CKMT2: variants seen among roughly 807,000 people sequenced by gnomAD.
CKMT2 encodes the protein creatine kinase S-type, mitochondrial.
Under a neutral mutation model 48.9 loss-of-function variants are expected in CKMT2, and 43 were observed. That is an observed-to-expected ratio of 0.88 (90% CI 0.69 to 1.13). The LOEUF (loss-of-function observed/expected upper bound fraction) is 1.13, where lower values mean the gene tolerates loss of function less well. Ranked by LOEUF, CKMT2 falls within the 50% of genes most tolerant of loss-of-function variation. The probability of loss-of-function intolerance (pLI) is 0.00; values close to 1 mark genes in which losing one functional copy is unlikely to be tolerated. For missense variants in CKMT2, 472 were observed against 555.4 expected, an observed-to-expected ratio of 0.85 and a Z score of 1.51; for synonymous variants, 206 against 213.0, an observed-to-expected ratio of 0.97 and a Z score of 0.29.
chr5:81,262,750 C>G (rs1339946953), intron 8 of CKMT2, among the ~76,000 whole-genome samples: 2 of 152,136 alleles, frequency 1.3e-5, no homozygotes, highest in Non-Finnish European at 2.9e-5. Flanking sequence ...TTAGTTCAAC[C>G]ATTATGGAAG....
chr5:81,259,207 A>AC lies in CKMT2; in HGVS notation c.968dup (p.Gly324ArgfsTer9). On this transcript the variant is annotated frameshift_variant, in exon 8 of 10. Transcript: ENST00000254035. LOFTEE classifies it high-confidence loss of function. The stretch of plus-strand genomic sequence containing the variant: ...TTTGACCTGTCCTTCGAACCTTGGA[A>AC]CAGGACTACGAGCTGGTGTCCACGT... 2 of 1,614,094 alleles carry AC rather than the reference A, an allele frequency of 1.2e-6. No homozygotes were observed. Among genetic ancestry groups the AC allele is most frequent in the South Asian group, 1.1e-5 (1 of 91,050 alleles).
At chr5:81,243,777 C>T (rs1020612233) in intron 1 of CKMT2, among the ~76,000 whole-genome samples, 6 of 152,008 alleles carry the variant, frequency 3.9e-5, no homozygotes, top group African/African-American at 1.2e-4. Context: ...GCAACCTCCG[C>T]CTCCTGGGTT....
At chr5:81,263,730 T>C (rs553824826) in intron 9 of CKMT2, 114 bp downstream of exon 9, 21 of 890,014 alleles carry the variant, frequency 2.4e-5, no homozygotes, top group Non-Finnish European at 3.2e-5. Context: ...TCTTCGCCCA[T>C]TGAGTCCTGA....
chr5:81,239,924 G>A (rs1408898964), intron 1 of CKMT2, among the ~76,000 whole-genome samples: 3 of 152,114 alleles, frequency 2.0e-5, no homozygotes, highest in Non-Finnish European at 2.9e-5. Flanking sequence ...GGAATAACAC[G>A]AGCACACAGC....
intron 1 of CKMT2, among the ~76,000 whole-genome samples, chr5:81,246,627 G>A (rs1247601843): frequency 2.0e-5 from 3 of 152,142 alleles, no homozygotes. Context: ...CTAACAGTAG[G>A]CACTCAGTAA....
intron 1 of CKMT2, among the ~76,000 whole-genome samples, chr5:81,233,920 TAG>T (rs928704672): frequency 2.0e-5 from 3 of 150,616 alleles, no homozygotes; most frequent in African/African-American, 7.4e-5. Flanking sequence ...ATAGTATTGC[TAG>T]AGATTCAGTT....
chr5:81,243,505 A>G (rs1756505441), intron 1 of CKMT2, among the ~76,000 whole-genome samples: 1 of 152,202 alleles, frequency 6.6e-6, no homozygotes, highest in African/African-American at 2.4e-5. Context: ...CATATACAGT[A>G]TATAATATTA....
chr5:81,237,910 T>A (rs1481804155), intron 1 of CKMT2: 1 of 152,226 alleles, frequency 6.6e-6, no homozygotes, highest in African/African-American at 2.4e-5. Flanking sequence ...TATTTCACCA[T>A]CTGAATGCAC....
Position 81,257,871 on chromosome 5 carries a change from G to T in CKMT2, c.879+15G>T. 1 of 1,601,630 alleles carries T rather than the reference G, an allele frequency of 6.2e-7. No homozygotes were observed. Among genetic ancestry groups the T allele is most frequent in the South Asian group, 1.1e-5 (1 of 89,820 alleles). On this transcript the variant is annotated intron_variant, in intron 7 of 9. Transcript: ENST00000254035. Reference sequence around the variant, plus strand: ...GACTAAAAGAAGTAAGATGTTATCTGAGATTTCTGGATATTTATTAAAATA... The same window carrying T: ...GACTAAAAGAAGTAAGATGTTATCTTAGATTTCTGGATATTTATTAAAATA...
At chr5:81,252,980 A>C in intron 3 of CKMT2, 87 bp downstream of exon 3, 1 of 1,428,786 alleles carries the variant, frequency 7.0e-7, no homozygotes, top group Non-Finnish European at 9.8e-7. Context: ...TTTCTTCTCT[A>C]TGGGGCCAAC....
At chr5:81,259,479 T>C (rs1757133515) in intron 8 of CKMT2, 3 of 365,226 alleles carry the variant, frequency 8.2e-6, no homozygotes, top group Non-Finnish European at 9.7e-6. Context: ...ATAAGGCCTT[T>C]ACATTTTTCC....
At chr5:81,252,421 A>T in intron 2 of CKMT2, 1 of 474,844 alleles carries the variant, frequency 2.1e-6, no homozygotes, top group Non-Finnish European at 3.9e-6. Context: ...ACAGCACCCA[A>T]TTTGATTTCT....
At chr5:81,257,206 G>GATGTGTAGAAATATGAC (rs1363879229) in intron 6 of CKMT2, among the ~76,000 whole-genome samples, 2 of 151,598 alleles carry the variant, frequency 1.3e-5, no homozygotes, top group African/African-American at 4.8e-5. Context: ...GTGTTTCTAA[G>GATGTGTAGAAATATGAC]ATGTGTAGAA....
intron 8 of CKMT2, among the ~76,000 whole-genome samples, chr5:81,260,318 G>A (rs1220319896): frequency 3.9e-5 from 6 of 152,086 alleles, no homozygotes; most frequent in Non-Finnish European, 8.8e-5. Context: ...AGCTAGAGAA[G>A]TGAAAGCAAA....
intron 4 of CKMT2, chr5:81,254,753 C>G: frequency 1.7e-6 from 1 of 596,244 alleles, no homozygotes; most frequent in Non-Finnish European, 3.0e-6. Flanking sequence ...TTTTTCATCC[C>G]AAACCACCCA....
intron 2 of CKMT2, chr5:81,251,899 C>A (rs1344062781): frequency 1.3e-5 from 2 of 152,790 alleles, no homozygotes; most frequent in African/African-American, 4.8e-5. Context: ...ATCTTAGGAT[C>A]CTTCTGTGAT....
intron 1 of CKMT2, chr5:81,245,345 T>C (rs546395984): frequency 6.6e-6 from 1 of 152,352 alleles, no homozygotes; most frequent in African/African-American, 2.4e-5. Flanking sequence ...TCCATCTCTG[T>C]CGCTCACTAG....
intron 1 of CKMT2, chr5:81,236,057 T>G (rs1194908406): frequency 6.6e-6 from 1 of 152,252 alleles, no homozygotes; most frequent in Non-Finnish European, 1.5e-5. Context: ...GCAGGCACAT[T>G]GAGCACTAGA....
chr5:81,247,425 C>G (rs1756648525), intron 1 of CKMT2, among the ~76,000 whole-genome samples: 1 of 152,184 alleles, frequency 6.6e-6, no homozygotes, highest in African/African-American at 2.4e-5. Flanking sequence ...GTGCAAATAA[C>G]AAATCAAGCC....
Sources: allele counts gnomAD v4.1 joint callset (sites outside exome capture counted in the v4.1 genomes callset), GRCh38; gene constraint gnomAD v4.1.1; transcripts MANE v1.5; gene names NCBI Gene and HGNC (gene_info 2026-07-23, HGNC 2026-07-21).